Variants in CLMP observed in about 807,000 individuals in gnomAD.
CLMP encodes the protein CXADR-like membrane protein.
Under a neutral mutation model 45.2 loss-of-function variants are expected in CLMP, and 27 were observed. That is an observed-to-expected ratio of 0.60 (90% CI 0.44 to 0.82). CLMP has a LOEUF of 0.82. CLMP is among the 40% of genes least tolerant of loss of function. CLMP has a pLI of 0.00. For missense variants in CLMP, 403 were observed against 448.4 expected (o/e 0.90, Z 0.91); for synonymous variants, 167 against 171.4 (o/e 0.97, Z 0.20).
At position 123,106,432 on chromosome 11, in the gene CLMP, C is replaced by T. The variant is rs1036513148; in HGVS notation, c.29-8480G>A. On this transcript the variant is annotated intron_variant, in intron 1 of 6. Coordinates refer to ENST00000448775, the MANE Select transcript of CLMP (RefSeq NM_024769.5). ...GTGTGTGTGTGTGTGTGTGCGCGCG[C>T]GCGCGCGCACGTGCCTGCCTTCCAG... Among the ~76,000 whole-genome samples, 60 of 96,418 alleles carry T rather than the reference C, an allele frequency of 6.2e-4. No homozygotes were observed. The East Asian group carries it at 0.012, about 20-fold the overall frequency. 63.3% of individuals were successfully genotyped at this position (96,418 alleles called of 152,430 possible). A position where few individuals can be genotyped will look rare whatever the true frequency, so the allele number is the denominator to read the frequency against.
intron 1 of CLMP, among the ~76,000 whole-genome samples, chr11:123,181,131 G>T (rs1335106213): frequency 6.6e-6 from 1 of 152,168 alleles, no homozygotes; most frequent in African/African-American, 2.4e-5. Context: ...TAGCAGAGAG[G>T]GAACCTACAC....
chr11:123,078,742 T>A (rs1865768939), intron 5 of CLMP, among the ~76,000 whole-genome samples: 1 of 151,656 alleles, frequency 6.6e-6, no homozygotes, highest in African/African-American at 2.4e-5. Flanking sequence ...CCTCCCGGGT[T>A]CACACCATTC....
At chr11:123,176,697 C>G (rs919252303) in intron 1 of CLMP, among the ~76,000 whole-genome samples, 1 of 152,166 alleles carries the variant, frequency 6.6e-6, no homozygotes, top group Non-Finnish European at 1.5e-5. Context: ...TCAGGCCAAG[C>G]CTTACCTTTG....
At chr11:123,124,953 G>A (rs1162752898) in intron 1 of CLMP, among the ~76,000 whole-genome samples, 2 of 152,138 alleles carry the variant, frequency 1.3e-5, no homozygotes, top group Non-Finnish European at 2.9e-5. Flanking sequence ...CTGGAGTGCA[G>A]TGGTGAGATC....
chr11:123,137,147 C>CTTTTTTTTTTTTTTTTTTTTTTTT (rs375816483), intron 1 of CLMP, among the ~76,000 whole-genome samples: 1 of 82,460 alleles, frequency 1.2e-5, no homozygotes, highest in Non-Finnish European at 2.2e-5. Flanking sequence ...TTTTCTTTTT[C>CTTTTTTTTTTTTTTTTTTTTTTTT]TTTTTTTTTT....
At chr11:123,125,132 A>G (rs1168784934) in intron 1 of CLMP, among the ~76,000 whole-genome samples, 2 of 152,286 alleles carry the variant, frequency 1.3e-5, no homozygotes, top group Middle Eastern at 6.8e-3. Flanking sequence ...TCCTGAGCTC[A>G]GGCAATCCGC....
chr11:123,103,700 TTTTC>T (rs780440541), intron 1 of CLMP, among the ~76,000 whole-genome samples: 37 of 151,286 alleles, frequency 2.4e-4, no homozygotes, highest in Non-Finnish European at 3.7e-4. Context: ...GTCCCTTTTT[TTTTC>T]TTTCTTTCTT....
chr11:123,191,068 A>AT (rs560122538), intron 1 of CLMP, among the ~76,000 whole-genome samples: 27 of 152,318 alleles, frequency 1.8e-4, no homozygotes, highest in African/African-American at 5.5e-4. Flanking sequence ...TTATTGGCAA[A>AT]TTTGATGTAT....
chr11:123,095,336 A>G (rs1591455305), intron 2 of CLMP, among the ~76,000 whole-genome samples: 2 of 151,810 alleles, frequency 1.3e-5, no homozygotes, highest in Non-Finnish European at 2.9e-5. Context: ...TCTGTTGCCC[A>G]GGCTGGAGTG....
intron 1 of CLMP, among the ~76,000 whole-genome samples, chr11:123,180,158 T>A (rs1861750692): frequency 6.6e-6 from 1 of 152,230 alleles, no homozygotes; most frequent in African/African-American, 2.4e-5. Context: ...AGCATCTCTG[T>A]GTCAGGCACT....
intron 1 of CLMP, among the ~76,000 whole-genome samples, chr11:123,150,523 GGAAGGAAA>G (rs1399586727): frequency 8.3e-6 from 1 of 120,968 alleles, no homozygotes; most frequent in African/African-American, 3.3e-5. Context: ...AAGGAAGGAA[GGAAGGAAA>G]GAAACAAGCA....
chr11:123,109,059 CAA>C (rs776811883), intron 1 of CLMP, among the ~76,000 whole-genome samples: 18 of 64,252 alleles, frequency 2.8e-4, no homozygotes, highest in East Asian at 1.8e-3. Context: ...AACTCTGTCT[CAA>C]AAAAAAAAAA....
At chr11:123,125,239 C>T (rs1860871906) in intron 1 of CLMP, among the ~76,000 whole-genome samples, 1 of 152,120 alleles carries the variant, frequency 6.6e-6, no homozygotes, top group Non-Finnish European at 1.5e-5. Context: ...TAAAGAAATG[C>T]AATTTGTTCT....
rs1339902201 is a variant in CLMP at position 123,083,641 on chromosome 11, A to G, written c.556+39T>C. The G allele has an allele frequency of 9.3e-6, 15 of 1,606,614 alleles. No individual in the cohort carries two copies. The African/African-American group carries it at 2.0e-4, about 22-fold the overall frequency. ...ATTTAGAGCTCACGGATAGAGGACT[A>G]TTTTGTTGGCTCAATAGATTGGTAG... On this transcript the variant is annotated intron_variant, in intron 4 of 6. Transcript: ENST00000448775.
rs375005851 is a variant in CLMP at position 123,165,666 on chromosome 11, T to G, written c.28+29247A>C. Among the ~76,000 whole-genome samples the G allele has an allele frequency of 5.9e-5, 9 of 152,306 alleles. No homozygotes were observed. In the South Asian group the frequency reaches 1.9e-3, roughly 32 times the overall value. On this transcript the variant is annotated intron_variant, in intron 1 of 6. Coordinates refer to ENST00000448775, the MANE Select transcript of CLMP (RefSeq NM_024769.5). Reference sequence around the variant, plus strand: ...TTTAGCATCATTATTTTCAGTTTCCTGACTTGCTAGAAATTCACCGAGCCA... The same window carrying G: ...TTTAGCATCATTATTTTCAGTTTCCGGACTTGCTAGAAATTCACCGAGCCA...
At chr11:123,164,010 A>G (rs1861522606) in intron 1 of CLMP, among the ~76,000 whole-genome samples, 2 of 152,328 alleles carry the variant, frequency 1.3e-5, no homozygotes, top group South Asian at 4.1e-4. Context: ...TAATTGGCCA[A>G]CTATTTATTT....
intron 1 of CLMP, among the ~76,000 whole-genome samples, chr11:123,121,822 A>G (rs1289455527): frequency 6.6e-6 from 1 of 152,066 alleles, no homozygotes; most frequent in Non-Finnish European, 1.5e-5. Flanking sequence ...ATTTGTTGAC[A>G]TTTCTCTTTC....
intron 1 of CLMP, among the ~76,000 whole-genome samples, chr11:123,173,488 A>G (rs1861662142): frequency 6.6e-6 from 1 of 152,240 alleles, no homozygotes; most frequent in African/African-American, 2.4e-5. Flanking sequence ...CCACAAGGGA[A>G]TGACTGCATA....
chr11:123,185,384 AG>A (rs948996214), intron 1 of CLMP, among the ~76,000 whole-genome samples: 1 of 151,898 alleles, frequency 6.6e-6, no homozygotes, highest in Non-Finnish European at 1.5e-5. Context: ...ATTTGGCGCC[AG>A]GGGAGAGAGA....
Sources: gnomAD v4.1 joint callset for allele counts (sites outside exome capture counted in the v4.1 genomes callset) on GRCh38, gnomAD v4.1.1 for gene constraint, MANE v1.5 for transcripts, NCBI Gene and HGNC (gene_info 2026-07-23, HGNC 2026-07-21) for gene names.